OTUD7A: variants seen among roughly 807,000 people sequenced by gnomAD.
OTUD7A encodes the protein OTU domain-containing protein 7A.
In OTUD7A, 12 loss-of-function variants were observed where a neutral mutation model predicts 65.7. That is an observed-to-expected ratio of 0.18 (90% CI 0.12 to 0.30). The LOEUF is 0.30. Ranked by LOEUF, OTUD7A falls within the 10% of genes least tolerant of loss-of-function variation. The pLI is 1.00. For missense variants in OTUD7A, 1,148 were observed against 1,304.8 expected (o/e 0.88, Z 1.85); for synonymous variants, 641 against 586.3 (o/e 1.09, Z -1.35).
At chr15:31,629,090 C>A (rs1025588176) in intron 3 of OTUD7A, among the ~76,000 whole-genome samples, 3 of 152,078 alleles carry the variant, frequency 2.0e-5, no homozygotes, top group Admixed American at 6.6e-5. Context: ...TTATTTCCTT[C>A]TCCTGCCTAA....
intron 8 of OTUD7A, among the ~76,000 whole-genome samples, chr15:31,523,963 T>C (rs1014238590): frequency 2.0e-5 from 3 of 152,300 alleles, no homozygotes; most frequent in Admixed American, 6.5e-5. Context: ...CCCCAGTCCA[T>C]GGGACTCAGC....
At chr15:31,610,603 A>ATTT in intron 3 of OTUD7A, among the ~76,000 whole-genome samples, 2 of 38,398 alleles carry the variant, frequency 5.2e-5, no homozygotes, top group African/African-American at 1.1e-4. Flanking sequence ...TTATATATAT[A>ATTT]TATATATATA....
At chr15:31,551,691 G>C (rs950658092) in intron 5 of OTUD7A, among the ~76,000 whole-genome samples, 1 of 152,224 alleles carries the variant, frequency 6.6e-6, no homozygotes, top group African/African-American at 2.4e-5. Context: ...CTATCAGAAA[G>C]ATGAGGGGAT....
At position 31,627,968 on chromosome 15, in the gene OTUD7A, G is replaced by T. The variant is rs1012017857; in HGVS notation, c.151+27128C>A. On this transcript the variant is annotated intron_variant, in intron 3 of 12. Coordinates refer to ENST00000307050, the MANE Select transcript of OTUD7A (RefSeq NM_001382637.1). ...TTTTTTTTCTTTTAAATTTGTTTGA[G>T]TTCATTGTAGATTCTGGATACTAGC... 1.5e-4 allele frequency among the ~76,000 whole-genome samples: 23 copies of T among 152,210 alleles called. 1 individual carries two copies. The highest frequency in any genetic ancestry group is 6.2e-4 in the South Asian group (3 of 4,826).
At chr15:31,710,930 T>C (rs1267014984) in intron 1 of OTUD7A, among the ~76,000 whole-genome samples, 6 of 152,084 alleles carry the variant, frequency 3.9e-5, no homozygotes, top group Non-Finnish European at 8.8e-5. Flanking sequence ...GGTATTCCCA[T>C]GGCCGTGCGG....
At chr15:31,502,638 G>A (rs2041487104) in intron 9 of OTUD7A, among the ~76,000 whole-genome samples, 1 of 152,202 alleles carries the variant, frequency 6.6e-6, no homozygotes, top group Admixed American at 6.5e-5. Flanking sequence ...CAGGGTGGGG[G>A]TACCTGCAAG....
chr15:31,746,292 T>C (rs1448385231), intron 1 of OTUD7A, among the ~76,000 whole-genome samples: 1 of 152,088 alleles, frequency 6.6e-6, no homozygotes, highest in Non-Finnish European at 1.5e-5. Flanking sequence ...ACAACCCAAA[T>C]GTCCATCAAG....
intron 3 of OTUD7A, among the ~76,000 whole-genome samples, chr15:31,633,520 C>A (rs984294540): frequency 6.6e-6 from 1 of 152,176 alleles, no homozygotes; most frequent in Non-Finnish European, 1.5e-5. Flanking sequence ...CAGGTCTCCA[C>A]CTCTTCCCAG....
chr15:31,868,922 T>C (rs1265937309), intron 1 of OTUD7A, among the ~76,000 whole-genome samples: 1 of 152,206 alleles, frequency 6.6e-6, no homozygotes, highest in Non-Finnish European at 1.5e-5. Context: ...TTGAGTGGCA[T>C]ATGGTATTAA....
chr15:31,606,070 A>T (rs1384456776), intron 3 of OTUD7A, among the ~76,000 whole-genome samples: 1 of 152,242 alleles, frequency 6.6e-6, no homozygotes, highest in Non-Finnish European at 1.5e-5. Flanking sequence ...GATGACCTTC[A>T]ACCAATGTCT....
At chr15:31,825,757 T>C (rs942317079) in intron 1 of OTUD7A, among the ~76,000 whole-genome samples, 7 of 152,210 alleles carry the variant, frequency 4.6e-5, no homozygotes, top group African/African-American at 1.7e-4. Context: ...AAGCTACTTA[T>C]TTCCTAGATA....
intron 1 of OTUD7A, among the ~76,000 whole-genome samples, chr15:31,797,827 A>G (rs1567028398): frequency 6.6e-6 from 1 of 152,186 alleles, no homozygotes; most frequent in Non-Finnish European, 1.5e-5. Context: ...CACATCAGTT[A>G]TGGAACGTTG....
chr15:31,859,645 A>G (rs775891089), intron 1 of OTUD7A, among the ~76,000 whole-genome samples: 2 of 152,198 alleles, frequency 1.3e-5, no homozygotes, highest in Non-Finnish European at 2.9e-5. Context: ...CTGCATTTAT[A>G]AAGTTACAAG....
chr15:31,663,364 T>TTTG (rs1364491683), intron 1 of OTUD7A, among the ~76,000 whole-genome samples: 2 of 151,982 alleles, frequency 1.3e-5, no homozygotes, highest in Non-Finnish European at 2.9e-5. Flanking sequence ...GCCATGGTGG[T>TTTG]TTGTTGTACC....
Position 31,484,593 on chromosome 15 carries a change from C to T in OTUD7A, c.1503G>A (p.Lys501=), listed in dbSNP as rs762148134. 14 of 1,606,392 alleles carry T rather than the reference C, an allele frequency of 8.7e-6. No individual in the cohort carries two copies. The South Asian group carries it at 8.9e-5, about 10-fold the overall frequency. The stretch of plus-strand genomic sequence containing the variant: ...TGCGCTGCTTCTCCTTCTCCTTGTC[C>T]TTGCCGTTCTTGCCGTTATTGCTGT... ...NSNSNNGKNG[K]DKEKEKQRKE... Residue 501 remains lysine (K), a synonymous_variant, in exon 13 of 13, where the codon AAG becomes AAA. Transcript: ENST00000307050. This position sits in a 1 kb window ranked among gnomAD's most constrained non-coding sequence, Gnocchi z 4.5.
At chr15:31,495,230 G>C (rs1468493533) in intron 10 of OTUD7A, among the ~76,000 whole-genome samples, 1 of 152,220 alleles carries the variant, frequency 6.6e-6, no homozygotes, top group Non-Finnish European at 1.5e-5. Context: ...CTTTGGAACA[G>C]TGCTTTGGGT....
intron 1 of OTUD7A, among the ~76,000 whole-genome samples, chr15:31,811,044 T>C (rs1428674956): frequency 6.6e-6 from 1 of 152,130 alleles, no homozygotes; most frequent in Non-Finnish European, 1.5e-5. Flanking sequence ...CAGGATCTCC[T>C]ATGGAGCAGG....
chr15:31,502,364 T>TA (rs1209937096), intron 9 of OTUD7A, among the ~76,000 whole-genome samples: 1 of 152,034 alleles, frequency 6.6e-6, no homozygotes, highest in South Asian at 2.1e-4. Context: ...TTCTTACTTG[T>TA]AAAAAAAGAG....
At chr15:31,716,970 T>G (rs138003329) in intron 1 of OTUD7A, among the ~76,000 whole-genome samples, 2,565 of 152,332 alleles carry the variant, frequency 0.017, 79 homozygotes, top group African/African-American at 0.059. Context: ...TAATTTCAGA[T>G]ATATAGAAAA....
Sources: gnomAD v4.1 joint callset for allele counts (sites outside exome capture counted in the v4.1 genomes callset) on GRCh38, gnomAD v4.1.1 for gene constraint, Gnocchi (gnomAD v3.1) non-coding constraint, MANE v1.5 for transcripts, NCBI Gene and HGNC (gene_info 2026-07-23, HGNC 2026-07-21) for gene names.